PLXNB2: variants seen among roughly 807,000 people sequenced by gnomAD.
PLXNB2 encodes plexin B2.
A neutral mutation model predicts 202.6 loss-of-function variants in PLXNB2; 85 were observed. The observed-to-expected ratio is 0.42, with a 90% CI of 0.35 to 0.50. The LOEUF (loss-of-function observed/expected upper bound fraction) is 0.50, where lower values mean the gene tolerates loss of function less well. Ranked by LOEUF, PLXNB2 falls within the 20% of genes least tolerant of loss-of-function variation. The pLI is 0.02. For missense variants in PLXNB2, 2,063 were observed against 2,586.2 expected, an observed-to-expected ratio of 0.80 and a Z score of 4.39; for synonymous variants, 1,239 against 1,137.6, an observed-to-expected ratio of 1.09 and a Z score of -1.79.
At chr22:50,295,261 C>G (rs2067176704) in intron 1 of PLXNB2, among the ~76,000 whole-genome samples, 1 of 144,598 alleles carries the variant, frequency 6.9e-6, no homozygotes, top group African/African-American at 2.6e-5. Context: ...ATGGAACTTG[C>G]AGTGAGCGGA....
chr22:50,299,862 T>G (rs958332598), intron 1 of PLXNB2, among the ~76,000 whole-genome samples: 2 of 152,086 alleles, frequency 1.3e-5, no homozygotes, highest in Non-Finnish European at 2.9e-5. Context: ...ACCCGGCCTG[T>G]GTGGAGCGCC....
Position 50,283,172 on chromosome 22 carries a change from G to C in PLXNB2, c.2694C>G (p.Leu898=). 6.3e-7 allele frequency: 1 copy of C among 1,599,894 alleles called. No homozygotes were observed. The highest frequency in any genetic ancestry group is 8.5e-7 in the Non-Finnish European group (1 of 1,174,792). The change falls in exon 17 of 37, where the codon CTC becomes CTG. Residue 898 remains leucine, a synonymous_variant. Coordinates refer to ENST00000359337, the MANE Select transcript of PLXNB2 (RefSeq NM_012401.4). ...VQFTFQQPKP[L]SVEPQQGPQA... is the part of the protein sequence containing the mutation. ...GCGGTCCCTGCTGCGGCTCCACACTGAGAGGCTTGGGCTGCTGAAAGAGCC... is the reference window on the plus strand; with the variant it reads ...GCGGTCCCTGCTGCGGCTCCACACTCAGAGGCTTGGGCTGCTGAAAGAGCC...
At position 50,277,714 on chromosome 22, in the gene PLXNB2, G is replaced by T; in HGVS notation, c.5073C>A (p.Asn1691Lys). 6.2e-7 allele frequency: 1 copy of T among 1,603,076 alleles called. No individual in the cohort carries two copies. The highest frequency in any genetic ancestry group is 8.5e-7 in the Non-Finnish European group (1 of 1,173,398). ...AGATGAAGTGGGGGTTCTTGAGGAT[G>T]TTCACCCAGAACCGGAGCGGTAAGC... ...TNSLPLRFWV[N>K]ILKNPHFIFD... Residue 1691 changes from asparagine (N) to lysine (K), a missense_variant, in exon 33 of 37, where the codon AAC becomes AAA. By Grantham distance (94) the Asn-to-Lys change is moderately conservative (BLOSUM62 0). This residue lies in a region of PLXNB2 where 760 missense variants were observed against 1,109.4 expected (regional missense o/e 0.69). Coordinates refer to ENST00000359337, the MANE Select transcript of PLXNB2 (RefSeq NM_012401.4).
rs1339663316 is a variant in PLXNB2, at chr22:50,282,715, C to T, written c.2983G>A (p.Ala995Thr). The change falls in exon 18 of 37, where the codon GCC becomes ACC. Residue 995 changes from alanine to threonine, a missense_variant. Ala to Thr is a moderately conservative substitution (Grantham distance 58, BLOSUM62 0). Around this residue, in one of 2 missense-constraint regions of PLXNB2, gnomAD observed 1,303 missense variants for 1,476.8 expected, o/e 0.88. Coordinates refer to ENST00000359337, the MANE Select transcript of PLXNB2 (RefSeq NM_012401.4). Reference sequence around the variant, plus strand: ...GCGGGGGGACACCAGCCTCACCTGGCAAAGCTTCGTAGCGGCTCGAAGGCT... The same window carrying T: ...GCGGGGGGACACCAGCCTCACCTGGTAAAGCTTCGTAGCGGCTCGAAGGCT... The part of the protein sequence containing the change: ...LRAFEPLRSF[A>T]SGGRSINVTG... 1.3e-6 allele frequency: 2 copies of T among 1,546,992 alleles called. No homozygotes were observed. Among genetic ancestry groups the T allele is most frequent in the South Asian group, 1.2e-5 (1 of 86,800 alleles).
chr22:50,280,947 T>G lies in PLXNB2; in HGVS notation c.3790A>C (p.Thr1264Pro). The G allele has an allele frequency of 6.2e-7, 1 of 1,613,270 alleles. No individual in the cohort carries two copies. Among genetic ancestry groups the G allele is most frequent in the Non-Finnish European group, 8.5e-7 (1 of 1,179,916 alleles). Residue 1264 changes from threonine to proline, a missense_variant, in exon 24 of 37, where the codon ACC becomes CCC. Physicochemically the swap from Thr to Pro is conservative, Grantham distance 38 (BLOSUM62 -1). This residue lies in a region of PLXNB2 where 760 missense variants were observed against 1,109.4 expected (regional missense o/e 0.69). Transcript: ENST00000359337. ...ATGCCGGCCTCGTGCACGTCGTTGG[T>G]CTGGTCCTCCATCTCGATCATCAGG... Reference protein sequence around the residue: ...TDLMIEMEDQTNDVHEAGIPV... With the variant: ...TDLMIEMEDQPNDVHEAGIPV...
Position 50,278,996 on chromosome 22 carries a change from C to A in PLXNB2, c.4405G>T (p.Val1469Leu). 1 of 1,610,036 alleles carries A rather than the reference C, an allele frequency of 6.2e-7. No individual in the cohort carries two copies. The highest frequency in any genetic ancestry group is 8.5e-7 in the Non-Finnish European group (1 of 1,177,652). The change falls in exon 28 of 37, where the codon GTG becomes TTG. Residue 1469 changes from valine (V) to leucine (L), a missense_variant. Physicochemically the swap from Val to Leu is conservative, Grantham distance 32. Transcript: ENST00000359337. ...EYAPLTVSVI[V>L]QDEGVDAIPV... ...ATGGCGTCCACTCCCTCGTCCTGCACGATCACGCTCACCGTCTGCCGAGAC... is the reference window on the plus strand; with the variant it reads ...ATGGCGTCCACTCCCTCGTCCTGCAAGATCACGCTCACCGTCTGCCGAGAC...
At position 50,282,101 on chromosome 22, in the gene PLXNB2, G is replaced by A. The variant is rs770919005; in HGVS notation, c.3118-20C>T. 2.5e-6 allele frequency: 4 copies of A among 1,607,068 alleles called. No homozygotes were observed. The highest frequency in any genetic ancestry group is 1.7e-4 in the Middle Eastern group (1 of 6,054). Reference sequence around the variant, plus strand: ...CACCACCTGCAGGCAAGTCCCAGCTGTCAGCCCCCGGGCGCAGACCCCGCC... The same window carrying A: ...CACCACCTGCAGGCAAGTCCCAGCTATCAGCCCCCGGGCGCAGACCCCGCC... On this transcript the variant is annotated intron_variant, in intron 19 of 36. Transcript: ENST00000359337.
At chr22:50,300,159 C>T in intron 1 of PLXNB2, 1 of 628,134 alleles carries the variant, frequency 1.6e-6, no homozygotes, top group Non-Finnish European at 2.0e-6. Flanking sequence ...CTGGGACAAA[C>T]CTCACCAGGC....
chr22:50,280,815 G>T lies in PLXNB2; in HGVS notation c.3922C>A (p.Arg1308=). ...AGGGCCTGCTCCACCACCGGCCGCC[G>T]CGGCTCAGGGATGTCCAGCTTGCCG... is the stretch of plus-strand genomic sequence containing the variant. The part of the protein sequence containing the change: ...ITGKLDIPEP[R]RPVVEQALYQ... The change falls in exon 24 of 37, where the codon CGG becomes AGG. Residue 1308 remains arginine (R), a synonymous_variant. Transcript: ENST00000359337. 1 of 1,597,634 alleles carries T rather than the reference G, an allele frequency of 6.3e-7. No homozygotes were observed. Among genetic ancestry groups the T allele is most frequent in the Non-Finnish European group, 8.5e-7 (1 of 1,170,294 alleles).
chr22:50,305,217 G>T lies in PLXNB2; in HGVS notation c.-74+2336C>A, dbSNP rs555510511. ...GGGGCAGGACACGGTGAGCACGGAC[G>T]ACGTCCTGGGATGGGAGGAGGACTG... is the stretch of plus-strand genomic sequence containing the variant. On this transcript the variant is annotated intron_variant, in intron 1 of 36. Coordinates refer to ENST00000359337, the MANE Select transcript of PLXNB2 (RefSeq NM_012401.4). 2.6e-5 allele frequency among the ~76,000 whole-genome samples: 4 copies of T among 152,306 alleles called. No individual in the cohort carries two copies. The East Asian group carries it at 7.7e-4, about 29-fold the overall frequency.
At position 50,284,548 on chromosome 22, in the gene PLXNB2, G is replaced by C; in HGVS notation, c.2181+25C>G. On this transcript the variant is annotated intron_variant, in intron 12 of 36. Coordinates refer to ENST00000359337, the MANE Select transcript of PLXNB2 (RefSeq NM_012401.4). This position sits in a 1 kb window ranked among gnomAD's most constrained non-coding sequence, Gnocchi z 8.0. ...CCCGGGGCCCTGGGGTCCAGCAGCC[G>C]AGCCGGCCTGCCCTGGAGCCGTACC... 6.6e-7 allele frequency: 1 copy of C among 1,517,370 alleles called. No homozygotes were observed. Among genetic ancestry groups the C allele is most frequent in the South Asian group, 1.1e-5 (1 of 88,794 alleles). The allele number at this position is 1,517,370 out of a possible 1,614,324, so 94.0% of individuals were successfully genotyped here. A position where few individuals can be genotyped will look rare whatever the true frequency, so the allele number is the denominator to read the frequency against.
chr22:50,286,140 G>A, intron 9 of PLXNB2, 33 bp downstream of exon 9: 1 of 1,609,332 alleles, frequency 6.2e-7, no homozygotes, highest in Non-Finnish European at 8.5e-7. Flanking sequence ...GGGTGGACGG[G>A]CAGGGTGGGG....
chr22:50,276,579 G>A (rs1356704532), intron 35 of PLXNB2, 50 bp downstream of exon 35: 8 of 1,427,960 alleles, frequency 5.6e-6, no homozygotes, highest in African/African-American at 1.4e-5. Context: ...CTCAGCATGG[G>A]GTAGTGGGAG....
At position 50,305,491 on chromosome 22, in the gene PLXNB2, C is replaced by T. The variant is rs1269938250; in HGVS notation, c.-74+2062G>A. Among the ~76,000 whole-genome samples, 4 of 152,344 alleles carry T rather than the reference C, an allele frequency of 2.6e-5. No individual in the cohort carries two copies. The South Asian group carries it at 6.2e-4, about 24-fold the overall frequency. ...ACTCCTCACATAGACCTATCTCTGG[C>T]CTCAGTCTCCCCACCTGCAGGATGG... is the stretch of plus-strand genomic sequence containing the variant. On this transcript the variant is annotated intron_variant, in intron 1 of 36. Coordinates refer to ENST00000359337, the MANE Select transcript of PLXNB2 (RefSeq NM_012401.4).
Position 50,280,936 on chromosome 22 carries a change from C to A in PLXNB2, c.3801G>T (p.Val1267=), listed in dbSNP as rs771611784. The change falls in exon 24 of 37, where the codon GTG becomes GTT. Residue 1267 remains valine, a synonymous_variant. Transcript: ENST00000359337. ...MIEMEDQTND[V]HEAGIPVLDY... Reference sequence around the variant, plus strand: ...CCAGCACGGGGATGCCGGCCTCGTGCACGTCGTTGGTCTGGTCCTCCATCT... The same window carrying A: ...CCAGCACGGGGATGCCGGCCTCGTGAACGTCGTTGGTCTGGTCCTCCATCT... The A allele has an allele frequency of 1.5e-5, 24 of 1,613,288 alleles. No homozygotes were observed. Among genetic ancestry groups the A allele is most frequent in the Non-Finnish European group, 2.0e-5 (24 of 1,179,972 alleles).
chr22:50,296,953 A>G (rs1263926877), intron 1 of PLXNB2, among the ~76,000 whole-genome samples: 1 of 152,168 alleles, frequency 6.6e-6, no homozygotes, highest in East Asian at 1.9e-4. Flanking sequence ...GGTAAGGGTT[A>G]ACCCGGCCAA....
chr22:50,301,692 G>A (rs113943770), intron 1 of PLXNB2, among the ~76,000 whole-genome samples: 3 of 152,180 alleles, frequency 2.0e-5, no homozygotes, highest in African/African-American at 7.2e-5. Flanking sequence ...ACCAGCCCCC[G>A]CCCACAGCCC....
Position 50,282,817 on chromosome 22 carries a change from G to A in PLXNB2, c.2881C>T (p.Leu961=). ...GPQATRGQML[L]EVSYGGSPVP... ...GGGGACCCCCCGTAGGAGACCTCCAGAAGCATCTGGCCCCGTGTCGCCTGG... is the reference window on the plus strand; with the variant it reads ...GGGGACCCCCCGTAGGAGACCTCCAAAAGCATCTGGCCCCGTGTCGCCTGG... The change falls in exon 18 of 37, where the codon CTG becomes TTG. Residue 961 remains leucine, a synonymous_variant. Coordinates refer to ENST00000359337, the MANE Select transcript of PLXNB2 (RefSeq NM_012401.4). 2 of 1,613,126 alleles carry A rather than the reference G, an allele frequency of 1.2e-6. No individual in the cohort carries two copies. The highest frequency in any genetic ancestry group is 2.2e-5 in the South Asian group (2 of 91,070).
chr22:50,279,047 C>T (rs28622189), intron 27 of PLXNB2, 36 bp from the exon 28 acceptor site: 3 of 1,574,184 alleles, frequency 1.9e-6, no homozygotes, highest in East Asian at 4.5e-5. Flanking sequence ...CAGTGGGAGG[C>T]CCTGCTCTTA....
Sources: allele counts gnomAD v4.1 joint callset (sites outside exome capture counted in the v4.1 genomes callset), GRCh38; gene constraint gnomAD v4.1.1; regional missense constraint gnomAD v4.1.1; non-coding constraint Gnocchi (gnomAD v3.1); transcripts MANE v1.5; gene names NCBI Gene and HGNC (gene_info 2026-07-23, HGNC 2026-07-21).